The following SPECC1L variants were observed in gnomAD, a reference collection of about 807,000 sequenced individuals.
SPECC1L encodes the protein cytospin-A.
A neutral mutation model predicts 116.8 loss-of-function variants in SPECC1L; 40 were observed. The ratio of observed to expected loss-of-function variants is 0.34; its 90% CI spans 0.27 to 0.45. The LOEUF is 0.45. Ranked by LOEUF, SPECC1L falls within the 20% of genes least tolerant of loss-of-function variation. SPECC1L has a pLI of 1.00. For missense variants in SPECC1L, 1,110 were observed against 1,373.6 expected (o/e 0.81, Z 3.03); for synonymous variants, 504 against 500.6 (o/e 1.01, Z -0.09).
intron 2 of SPECC1L, among the ~76,000 whole-genome samples, chr22:24,281,023 G>A (rs2048932771): frequency 6.6e-6 from 1 of 152,202 alleles, no homozygotes. Context: ...CAGAGGAACA[G>A]GAAGCAGAGA....
intron 14 of SPECC1L, among the ~76,000 whole-genome samples, chr22:24,403,770 T>C (rs1235124229): frequency 6.6e-6 from 1 of 152,276 alleles, no homozygotes; most frequent in Non-Finnish European, 1.5e-5. Flanking sequence ...TAAGAAGGGA[T>C]ATCTGTGAAA....
chr22:24,386,293 T>G (rs2146714023), intron 14 of SPECC1L, among the ~76,000 whole-genome samples: 1 of 152,240 alleles, frequency 6.6e-6, no homozygotes, highest in East Asian at 1.9e-4. Context: ...CTCTCATCAC[T>G]TCTATTCAGT....
intron 7 of SPECC1L, among the ~76,000 whole-genome samples, chr22:24,329,718 T>A (rs1359609411): frequency 6.6e-6 from 1 of 152,184 alleles, no homozygotes; most frequent in Non-Finnish European, 1.5e-5. Context: ...ACGTAGTTCC[T>A]TACCGCCTCT....
rs2040745540 is a variant in SPECC1L at position 24,322,714 on chromosome 22, C to T, written c.1734C>T (p.Arg578=). 1 of 1,594,108 alleles carries T rather than the reference C, an allele frequency of 6.3e-7. No individual in the cohort carries two copies. The highest frequency in any genetic ancestry group is 1.7e-4 in the Middle Eastern group (1 of 5,942). The change falls in exon 5 of 17, where the codon CGC becomes CGT. Residue 578 remains arginine (R), a synonymous_variant. Transcript: ENST00000314328. ...CCAGTGACCAGATAGAGATGAATCG[C>T]CTGAAGGCTCAGCTGGAGAATGAAA... ...TVASDQIEMN[R]LKAQLENEKQ...
intron 14 of SPECC1L, among the ~76,000 whole-genome samples, chr22:24,410,111 G>A (rs2042665455): frequency 6.6e-6 from 1 of 152,274 alleles, no homozygotes; most frequent in African/African-American, 2.4e-5. Context: ...GATGGGGGCT[G>A]TCAGATGATG....
At chr22:24,401,742 T>C (rs1481306377) in intron 14 of SPECC1L, among the ~76,000 whole-genome samples, 1 of 152,190 alleles carries the variant, frequency 6.6e-6, no homozygotes, top group African/African-American at 2.4e-5. Context: ...AACTTCAGTT[T>C]TTCAAATGGT....
At position 24,322,294 on chromosome 22, in the gene SPECC1L, T is replaced by G. The variant is rs762544209; in HGVS notation, c.1314T>G (p.Leu438=). The G allele has an allele frequency of 5.6e-6, 9 of 1,614,208 alleles. No homozygotes were observed. The highest frequency in any genetic ancestry group is 1.7e-5 in the Admixed American group (1 of 60,024). ...AACTGAATAGTGAAAACGAAAGGCT[T>G]GGAGAAGAGAAGGTTATTCTGATGG... is the stretch of plus-strand genomic sequence containing the variant. ...TQELNSENER[L]GEEKVILMES... is the part of the protein sequence containing the mutation. The change falls in exon 5 of 17, where the codon CTT becomes CTG. Residue 438 remains leucine, a synonymous_variant. Coordinates refer to ENST00000314328, the MANE Select transcript of SPECC1L (RefSeq NM_015330.6).
At chr22:24,316,710 C>CTCAA (rs1361082416) in intron 4 of SPECC1L, among the ~76,000 whole-genome samples, 4 of 149,932 alleles carry the variant, frequency 2.7e-5, no homozygotes, top group African/African-American at 1.0e-4. Context: ...CATCCGATTT[C>CTCAA]TCAATCTTTT....
chr22:24,320,641 A>G (rs2040702587), intron 4 of SPECC1L, among the ~76,000 whole-genome samples: 3 of 152,234 alleles, frequency 2.0e-5, no homozygotes. Flanking sequence ...TGAGGCTTAT[A>G]TAAGTTAATG....
At chr22:24,351,106 G>C (rs2041412678) in intron 11 of SPECC1L, among the ~76,000 whole-genome samples, 1 of 152,204 alleles carries the variant, frequency 6.6e-6, no homozygotes, top group African/African-American at 2.4e-5. Flanking sequence ...CTGCTTTCCA[G>C]GCTTATCTTG....
chr22:24,375,432 G>A (rs935176225), intron 14 of SPECC1L, among the ~76,000 whole-genome samples: 1 of 152,052 alleles, frequency 6.6e-6, no homozygotes, highest in Non-Finnish European at 1.5e-5. Context: ...ATATTAAAGA[G>A]GATTATACAC....
chr22:24,411,650 G>T lies in SPECC1L; in HGVS notation c.3150G>T (p.Leu1050=), dbSNP rs1258015739. The T allele has an allele frequency of 6.2e-7, 1 of 1,614,068 alleles. No homozygotes were observed. Residue 1050 remains leucine, a synonymous_variant, in exon 15 of 17, where the codon CTG becomes CTT. Transcript: ENST00000314328. ...ATGGGCTGGCCTTCTGTGCCCTCCT[G>T]CATACATATCTCCCTGCCCACATTC... ...WNDGLAFCAL[L]HTYLPAHIPY...
chr22:24,272,540 G>A (rs1349945034), intron 1 of SPECC1L, among the ~76,000 whole-genome samples: 1 of 152,100 alleles, frequency 6.6e-6, no homozygotes, highest in African/African-American at 2.4e-5. Flanking sequence ...GGGCGTGGTG[G>A]CACACGCTTG....
intron 6 of SPECC1L, among the ~76,000 whole-genome samples, chr22:24,328,192 T>C (rs917652704): frequency 2.0e-5 from 3 of 152,244 alleles, no homozygotes; most frequent in Non-Finnish European, 4.4e-5. Context: ...TTCATCCTTG[T>C]ATCCTCACTC....
chr22:24,296,595 C>T (rs2049268052), intron 2 of SPECC1L, among the ~76,000 whole-genome samples: 1 of 152,230 alleles, frequency 6.6e-6, no homozygotes, highest in Non-Finnish European at 1.5e-5. Context: ...TAATTTCCAC[C>T]ACTTCCCCTT....
intron 11 of SPECC1L, among the ~76,000 whole-genome samples, chr22:24,355,460 CACCCACCT>C (rs2041513333): frequency 6.6e-6 from 1 of 151,522 alleles, no homozygotes; most frequent in African/African-American, 2.4e-5. Flanking sequence ...CCTATCCACC[CACCCACCT>C]ACCTACCTAC....
chr22:24,384,525 A>T (rs1569443736), intron 14 of SPECC1L, among the ~76,000 whole-genome samples: 1 of 152,208 alleles, frequency 6.6e-6, no homozygotes, highest in Non-Finnish European at 1.5e-5. Flanking sequence ...AAAATGGTTT[A>T]AAAGTTAGGA....
At chr22:24,330,144 C>A in intron 7 of SPECC1L, 112 bp from the exon 8 acceptor site, 1 of 1,053,008 alleles carries the variant, frequency 9.5e-7, no homozygotes, top group East Asian at 2.4e-5. Context: ...AATTAATCAT[C>A]ATTTGGAAGC....
At chr22:24,304,122 A>G (rs2049442003) in intron 3 of SPECC1L, among the ~76,000 whole-genome samples, 3 of 151,966 alleles carry the variant, frequency 2.0e-5, no homozygotes, top group Admixed American at 1.3e-4. Context: ...TCTGGCACCT[A>G]GATACTTCCT....
Sources: allele counts gnomAD v4.1 joint callset (sites outside exome capture counted in the v4.1 genomes callset), GRCh38; gene constraint gnomAD v4.1.1; transcripts MANE v1.5; gene names NCBI Gene and HGNC (gene_info 2026-07-23, HGNC 2026-07-21).